ADAMTS19: variants seen among roughly 807,000 people sequenced by gnomAD.
The protein encoded by ADAMTS19 is ADAM metallopeptidase with thrombospondin type 1 motif 19.
Under a neutral mutation model 153.3 loss-of-function variants are expected in ADAMTS19, and 93 were observed. The ratio of observed to expected loss-of-function variants is 0.61; its 90% confidence interval spans 0.51 to 0.72. The LOEUF (loss-of-function observed/expected upper bound fraction) is 0.72. Among genes scored for constraint, ADAMTS19 ranks in the 30% least tolerant of loss-of-function variants. ADAMTS19 has a pLI of 0.00. For synonymous variants in ADAMTS19, 600 were observed against 556.6 expected (o/e 1.08, Z -1.10); for missense variants, 1,482 against 1,552.1 (o/e 0.95, Z 0.76).
At chr5:129,589,086 GAAC>G (rs1449957804) in intron 7 of ADAMTS19, among the ~76,000 whole-genome samples, 2 of 151,784 alleles carry the variant, frequency 1.3e-5, no homozygotes, top group Non-Finnish European at 2.9e-5. Flanking sequence ...TCCTGAGTCT[GAAC>G]AATAGTAGAG....
intron 18 of ADAMTS19, among the ~76,000 whole-genome samples, chr5:129,688,828 A>G (rs187482450): frequency 7.0e-4 from 106 of 152,330 alleles, no homozygotes; most frequent in African/African-American, 2.5e-3. Flanking sequence ...TTGTGAAAGA[A>G]ATGTTCACTT....
Position 129,593,571 on chromosome 5 carries a change from G to A in ADAMTS19, c.1373-2988G>A, listed in dbSNP as rs1267202159. ...ACTGTATTCTTTTCTCCAAATTATC[G>A]GGCTCCCTCTAACCTTACTCTTTTA... On this transcript the variant is annotated intron_variant, in intron 7 of 22. Coordinates refer to ENST00000274487, the MANE Select transcript of ADAMTS19 (RefSeq NM_133638.6). Among the ~76,000 whole-genome samples, 10 of 151,396 alleles carry A rather than the reference G, an allele frequency of 6.6e-5. 1 individual carries two copies. Among genetic ancestry groups the A allele is most frequent in the Admixed American group, 6.6e-4 (10 of 15,194 alleles).
intron 2 of ADAMTS19, among the ~76,000 whole-genome samples, chr5:129,463,778 A>C (rs1749768068): frequency 6.6e-6 from 1 of 152,208 alleles, no homozygotes; most frequent in Non-Finnish European, 1.5e-5. Context: ...GAATTAGATG[A>C]TTTAATTTAA....
At chr5:129,597,722 T>C (rs188537719) in intron 8 of ADAMTS19, among the ~76,000 whole-genome samples, 1 of 151,692 alleles carries the variant, frequency 6.6e-6, no homozygotes, top group Non-Finnish European at 1.5e-5. Flanking sequence ...CTGGCCAACA[T>C]GAAACCCCGT....
intron 6 of ADAMTS19, among the ~76,000 whole-genome samples, chr5:129,530,964 C>A (rs1752179645): frequency 6.6e-6 from 1 of 152,078 alleles, no homozygotes; most frequent in Non-Finnish European, 1.5e-5. Flanking sequence ...AAGGCCACAT[C>A]ATGTAAAATC....
chr5:129,498,703 A>G (rs1301862804), intron 2 of ADAMTS19, among the ~76,000 whole-genome samples: 4 of 151,810 alleles, frequency 2.6e-5, no homozygotes, highest in South Asian at 2.1e-4. Flanking sequence ...GTTCGTTTTC[A>G]TATGGCAGGC....
At chr5:129,634,956 C>T (rs1250028051) in intron 10 of ADAMTS19, among the ~76,000 whole-genome samples, 1 of 151,834 alleles carries the variant, frequency 6.6e-6, no homozygotes, top group Non-Finnish European at 1.5e-5. Flanking sequence ...GCAAAATAAA[C>T]TATCAAGTTT....
At chr5:129,460,972 G>A (rs1749626821) in intron 1 of ADAMTS19, 130 bp from the exon 2 acceptor site, 1 of 1,235,862 alleles carries the variant, frequency 8.1e-7, no homozygotes, top group Non-Finnish European at 1.0e-6. Flanking sequence ...AGAGTTTCAG[G>A]GTCTAGACGG....
chr5:129,546,840 T>A (rs1357884334), intron 6 of ADAMTS19, among the ~76,000 whole-genome samples: 2 of 151,144 alleles, frequency 1.3e-5, no homozygotes, highest in African/African-American at 4.9e-5. Flanking sequence ...TAAGCCCTGA[T>A]GGTTTTTAAA....
rs551238160 is a variant in ADAMTS19, at chr5:129,670,668, A to T, written c.2506+5089A>T. Among the ~76,000 whole-genome samples the T allele has an allele frequency of 2.6e-5, 4 of 152,230 alleles. No individual in the cohort carries two copies. The South Asian group carries it at 6.2e-4, about 24-fold the overall frequency. On this transcript the variant is annotated intron_variant, in intron 16 of 22. Coordinates refer to ENST00000274487, the MANE Select transcript of ADAMTS19 (RefSeq NM_133638.6). Reference sequence around the variant, plus strand: ...TTTTAAAAAGTACATGTCATATTTGAACACATTTTCTTTAAACTTATCCCA... The same window carrying T: ...TTTTAAAAAGTACATGTCATATTTGTACACATTTTCTTTAAACTTATCCCA...
intron 8 of ADAMTS19, among the ~76,000 whole-genome samples, chr5:129,607,423 A>G (rs139768671): frequency 1.2e-4 from 18 of 152,176 alleles, no homozygotes; most frequent in Non-Finnish European, 1.5e-5. Context: ...AGTCTCCAAC[A>G]TATGTTGTAC....
At chr5:129,681,583 A>T (rs1220295100) in intron 17 of ADAMTS19, among the ~76,000 whole-genome samples, 1 of 152,166 alleles carries the variant, frequency 6.6e-6, no homozygotes, top group Non-Finnish European at 1.5e-5. Context: ...AAAGTTAATC[A>T]ATGTGCTCAG....
chr5:129,715,296 A>G lies in ADAMTS19; in HGVS notation c.3312+10905A>G, dbSNP rs188988287. ...TCCTTACAATTTTTCAGGCTATACTATTGAGAATGATTGATATTATGGATA... is the reference window on the plus strand; with the variant it reads ...TCCTTACAATTTTTCAGGCTATACTGTTGAGAATGATTGATATTATGGATA... On this transcript the variant is annotated intron_variant, in intron 21 of 22. Transcript: ENST00000274487. Among the ~76,000 whole-genome samples the G allele has an allele frequency of 3.3e-3, 501 of 152,258 alleles. 3 individuals are homozygous for G. The highest frequency in any genetic ancestry group is 0.012 in the African/African-American group (492 of 41,550).
rs780112095 is a variant in ADAMTS19 at position 129,679,883 on chromosome 5, T to G, written c.2626T>G (p.Ser876Ala). Reference protein sequence around the residue: ...YVRRGLWEKISAKGPTTAPLH... With the variant: ...YVRRGLWEKIAAKGPTTAPLH... ...AAGACGAGGCCTCTGGGAGAAGATC[T>G]CTGCCAAAGGTCCTACTACAGCACC... Residue 876 changes from serine to alanine, a missense_variant, in exon 17 of 23, where the codon TCT (serine) becomes GCT (alanine). Physicochemically the swap from Ser to Ala is moderately conservative, Grantham distance 99 (BLOSUM62 1). This residue lies in a region of ADAMTS19 where 616 missense variants were observed against 724.4 expected (regional missense o/e 0.85). Transcript: ENST00000274487. The G allele has an allele frequency of 3.1e-6, 5 of 1,614,076 alleles. No homozygotes were observed. The highest frequency in any genetic ancestry group is 2.5e-6 in the Non-Finnish European group (3 of 1,179,980).
At position 129,625,847 on chromosome 5, in the gene ADAMTS19, A is replaced by G. The variant is rs1350220353; in HGVS notation, c.1770+3499A>G. Among the ~76,000 whole-genome samples the G allele has an allele frequency of 1.3e-5, 2 of 152,210 alleles. 1 individual carries two copies. The highest frequency in any genetic ancestry group is 1.3e-4 in the Admixed American group (2 of 15,284). ...TGCTGTGCAGAAGCTCTTTAGTTTAATTAGATCCCATTTGTCTATTTTGGC... is the reference window on the plus strand; with the variant it reads ...TGCTGTGCAGAAGCTCTTTAGTTTAGTTAGATCCCATTTGTCTATTTTGGC... On this transcript the variant is annotated intron_variant, in intron 10 of 22. Transcript: ENST00000274487.
intron 6 of ADAMTS19, among the ~76,000 whole-genome samples, chr5:129,529,964 T>C (rs994083777): frequency 6.6e-6 from 1 of 152,004 alleles, no homozygotes; most frequent in African/African-American, 2.4e-5. Flanking sequence ...AGCTTGGAGG[T>C]TGAATACCAC....
chr5:129,712,507 G>A (rs1158687293), intron 21 of ADAMTS19, among the ~76,000 whole-genome samples: 1 of 152,102 alleles, frequency 6.6e-6, no homozygotes, highest in Non-Finnish European at 1.5e-5. Context: ...TATATCTGGA[G>A]AAACCATGCA....
intron 8 of ADAMTS19, among the ~76,000 whole-genome samples, chr5:129,601,118 G>T (rs529115837): frequency 2.6e-5 from 4 of 152,048 alleles, no homozygotes; most frequent in Non-Finnish European, 4.4e-5. Context: ...TGATCCGCCC[G>T]CCTCGGTCTC....
intron 7 of ADAMTS19, among the ~76,000 whole-genome samples, chr5:129,595,253 T>A (rs1393199533): frequency 6.6e-6 from 1 of 152,048 alleles, no homozygotes; most frequent in East Asian, 1.9e-4. Context: ...CCCTCCTGCA[T>A]TGCTTTTCCC....
Sources: gnomAD v4.1 joint callset for allele counts (sites outside exome capture counted in the v4.1 genomes callset) on GRCh38, gnomAD v4.1.1 for gene constraint, gnomAD v4.1.1 regional missense constraint, MANE v1.5 for transcripts, NCBI Gene and HGNC (gene_info 2026-07-23, HGNC 2026-07-21) for gene names.